The following ZSCAN5A variants were observed in gnomAD, a reference collection of about 807,000 sequenced individuals.
ZSCAN5A encodes the protein zinc finger and SCAN domain-containing protein 5A.
Under a neutral mutation model 23.7 loss-of-function variants are expected in ZSCAN5A, and 12 were observed. The observed-to-expected ratio is 0.51, with a 90% confidence interval of 0.32 to 0.82. The LOEUF is 0.82. Among genes scored for constraint, ZSCAN5A ranks in the 40% least tolerant of loss-of-function variants. ZSCAN5A has a pLI of 0.03. For missense variants in ZSCAN5A, 597 were observed against 617.9 expected, an observed-to-expected ratio of 0.97 and a Z score of 0.36; for synonymous variants, 257 against 239.9, an observed-to-expected ratio of 1.07 and a Z score of -0.66.
At chr19:56,346,837 C>T (rs1267738749) in intron 2 of ZSCAN5A, among the ~76,000 whole-genome samples, 1 of 152,154 alleles carries the variant, frequency 6.6e-6, no homozygotes, top group Non-Finnish European at 1.5e-5. Flanking sequence ...ACGCCATTCT[C>T]CTGCCTCGGC....
rs2041661589 is a variant in ZSCAN5A at position 56,350,613 on chromosome 19, T to C, written c.-358+12622A>G. On this transcript the variant is annotated intron_variant, in intron 2 of 6. Coordinates refer to the ZSCAN5A transcript ENST00000587340. The stretch of plus-strand genomic sequence containing the variant: ...CTTTTCTCTAGGAAAAAGTTACCGC[T>C]ATATTAACGTTTCTGGTAATGTACA... Among the ~76,000 whole-genome samples the C allele has an allele frequency of 2.0e-5, 3 of 152,158 alleles. No homozygotes were observed. In the South Asian group the frequency reaches 6.2e-4, roughly 32 times the overall value.
intron 2 of ZSCAN5A, among the ~76,000 whole-genome samples, chr19:56,332,965 C>T (rs1000848654): frequency 6.6e-6 from 1 of 152,134 alleles, no homozygotes; most frequent in Non-Finnish European, 1.5e-5. Flanking sequence ...TCTTTTCTTT[C>T]AGAATGCTGA....
chr19:56,302,089 G>A, intron 2 of ZSCAN5A: 3 of 1,231,818 alleles, frequency 2.4e-6, no homozygotes, highest in Non-Finnish European at 3.0e-6. Flanking sequence ...ACAACAAAGG[G>A]GACTGGGTAA....
At chr19:56,365,887 T>A (rs2147472978) in intron 1 of ZSCAN5A, 1 of 152,350 alleles carries the variant, frequency 6.6e-6, no homozygotes. Context: ...TTTCGTGAGT[T>A]TTATCTCCAA....
At chr19:56,223,518 G>A in intron 4 of ZSCAN5A, 113 bp downstream of exon 4, 2 of 1,089,454 alleles carry the variant, frequency 1.8e-6, no homozygotes, top group Non-Finnish European at 2.6e-6. Flanking sequence ...TGTCCATGGG[G>A]AATGGCTCTA....
intron 2 of ZSCAN5A, among the ~76,000 whole-genome samples, chr19:56,237,017 C>T (rs1050656655): frequency 6.6e-6 from 1 of 152,218 alleles, no homozygotes; most frequent in Non-Finnish European, 1.5e-5. Context: ...GGGGTGTAGC[C>T]AATGGGAGGC....
intron 2 of ZSCAN5A, among the ~76,000 whole-genome samples, chr19:56,254,960 G>A (rs755950950): frequency 1.3e-4 from 20 of 152,154 alleles, no homozygotes; most frequent in African/African-American, 4.3e-4. Flanking sequence ...TGTAATGTGC[G>A]AATATGGTAT....
chr19:56,255,560 T>C (rs2036637415), intron 2 of ZSCAN5A, among the ~76,000 whole-genome samples: 1 of 151,886 alleles, frequency 6.6e-6, no homozygotes, highest in African/African-American at 2.4e-5. Context: ...CCACGTTGAT[T>C]AATTCCCAAA....
chr19:56,328,768 G>A (rs1017906959), intron 2 of ZSCAN5A, among the ~76,000 whole-genome samples: 10 of 149,786 alleles, frequency 6.7e-5, no homozygotes, highest in South Asian at 4.2e-4. Context: ...TTGGGAGGCC[G>A]AGGCAGGTGG....
intron 2 of ZSCAN5A, among the ~76,000 whole-genome samples, chr19:56,345,593 T>C (rs2041626172): frequency 1.3e-5 from 2 of 152,128 alleles, no homozygotes; most frequent in South Asian, 2.1e-4. Flanking sequence ...TAAAGAGGGA[T>C]GCCAAATCAA....
At chr19:56,278,089 T>A (rs922265584) in intron 2 of ZSCAN5A, among the ~76,000 whole-genome samples, 4 of 147,170 alleles carry the variant, frequency 2.7e-5, no homozygotes, top group African/African-American at 9.8e-5. Context: ...CTTCAGTCTG[T>A]CACAATGTGC....
chr19:56,245,049 T>C (rs73621042), intron 2 of ZSCAN5A, among the ~76,000 whole-genome samples: 19,943 of 151,672 alleles, frequency 0.13, 2,324 homozygotes, highest in African/African-American at 0.31. Context: ...TATGTACTTA[T>C]GTAGAAAAGG....
At chr19:56,364,992 G>A (rs1032099008) in intron 1 of ZSCAN5A, 4 of 152,146 alleles carry the variant, frequency 2.6e-5, no homozygotes, top group Non-Finnish European at 2.9e-5. Context: ...ACACATCATC[G>A]TGCTGTACAC....
chr19:56,305,094 C>G (rs2040596215), intron 2 of ZSCAN5A, among the ~76,000 whole-genome samples: 1 of 152,150 alleles, frequency 6.6e-6, no homozygotes, highest in Admixed American at 6.5e-5. Flanking sequence ...ATAATTTTTT[C>G]ACAAGTCTTA....
intron 2 of ZSCAN5A, chr19:56,246,444 G>T: frequency 1.7e-6 from 1 of 576,012 alleles, no homozygotes; most frequent in Non-Finnish European, 3.1e-6. Context: ...CATCCCCAGA[G>T]CCTCAGCTTC....
chr19:56,299,976 GTAA>G (rs1053917922), intron 2 of ZSCAN5A: 1 of 152,212 alleles, frequency 6.6e-6, no homozygotes. Context: ...CAAGAGAAAG[GTAA>G]TAATAGGCAA....
chr19:56,307,775 C>T (rs899284956), intron 2 of ZSCAN5A, among the ~76,000 whole-genome samples: 2 of 152,216 alleles, frequency 1.3e-5, no homozygotes, highest in Non-Finnish European at 2.9e-5. Context: ...ATAAAAATTT[C>T]AGTCCATGTG....
chr19:56,246,700 T>G (rs778141177), intron 2 of ZSCAN5A: 6 of 1,059,504 alleles, frequency 5.7e-6, no homozygotes, highest in Non-Finnish European at 8.6e-6. Context: ...TGTACCTTAT[T>G]AACTGTTGTG....
chr19:56,262,748 A>G (rs1450803838), intron 2 of ZSCAN5A, among the ~76,000 whole-genome samples: 3 of 152,132 alleles, frequency 2.0e-5, no homozygotes, highest in Non-Finnish European at 2.9e-5. Context: ...TTCATTCAAC[A>G]TTATATTGAT....
Sources: gnomAD v4.1 joint callset for allele counts (sites outside exome capture counted in the v4.1 genomes callset) on GRCh38, gnomAD v4.1.1 for gene constraint, MANE v1.5 for transcripts, NCBI Gene and HGNC (gene_info 2026-07-23, HGNC 2026-07-21) for gene names.